CNTN4: variants seen among roughly 807,000 people sequenced by gnomAD.
The protein encoded by CNTN4 is contactin 4.
In CNTN4, 77 loss-of-function variants were observed where a neutral mutation model predicts 122.5. The observed-to-expected ratio is 0.63, with a 90% CI of 0.52 to 0.76. The LOEUF (loss-of-function observed/expected upper bound fraction) is 0.76, where lower values mean the gene tolerates loss of function less well. CNTN4 is among the 30% of genes least tolerant of loss of function. The probability of loss-of-function intolerance (pLI) is 0.00; values close to 1 mark genes in which losing one functional copy is unlikely to be tolerated. For synonymous variants in CNTN4, 512 were observed against 447.0 expected (o/e 1.15, Z -1.83); for missense variants, 1,256 against 1,259.1 (o/e 1.00, Z 0.04).
At chr3:2,388,915 T>A (rs1378946376) in intron 3 of CNTN4, among the ~76,000 whole-genome samples, 5 of 146,102 alleles carry the variant, frequency 3.4e-5, no homozygotes, top group South Asian at 2.2e-4. Context: ...CCCAGCACTT[T>A]GGGAGGCCGG....
intron 12 of CNTN4, among the ~76,000 whole-genome samples, chr3:2,909,847 A>G (rs1457883424): frequency 6.6e-6 from 1 of 152,156 alleles, no homozygotes; most frequent in Non-Finnish European, 1.5e-5. Context: ...ATTTCTAACA[A>G]GTGATGTTGA....
At chr3:2,773,059 A>G (rs2091171340) in intron 6 of CNTN4, among the ~76,000 whole-genome samples, 1 of 152,192 alleles carries the variant, frequency 6.6e-6, no homozygotes, top group African/African-American at 2.4e-5. Context: ...GAGCGGTTTC[A>G]TGGGAGATCT....
chr3:2,676,720 G>A (rs1034295022), intron 4 of CNTN4, among the ~76,000 whole-genome samples: 20 of 152,214 alleles, frequency 1.3e-4, no homozygotes, highest in Non-Finnish European at 2.9e-5. Context: ...GAATTTGGAA[G>A]AAAATGTTTC....
chr3:2,185,056 G>T (rs1351860934), intron 2 of CNTN4, among the ~76,000 whole-genome samples: 1 of 152,168 alleles, frequency 6.6e-6, no homozygotes, highest in African/African-American at 2.4e-5. Flanking sequence ...CAACTGTTGT[G>T]TTATCTTCAG....
At chr3:2,754,789 G>A in intron 6 of CNTN4, among the ~76,000 whole-genome samples, 1 of 151,308 alleles carries the variant, frequency 6.6e-6, no homozygotes, top group East Asian at 1.9e-4. Flanking sequence ...AGAGAGTAAT[G>A]TAACACAATA....
intron 14 of CNTN4, among the ~76,000 whole-genome samples, chr3:3,004,263 T>TCAC (rs1449679910): frequency 6.6e-6 from 1 of 152,236 alleles, no homozygotes; most frequent in African/African-American, 2.4e-5. Flanking sequence ...TTCTTAGGGG[T>TCAC]CACCAGCTTT....
rs548156868 is a variant in CNTN4 at position 2,157,180 on chromosome 3, A to T, written c.-145+56541A>T. 1.2e-4 allele frequency among the ~76,000 whole-genome samples: 18 copies of T among 152,350 alleles called. 1 individual carries two copies. In the South Asian group the frequency reaches 3.7e-3, roughly 32 times the overall value. ...GGAAGAAGATATTTAAAAGTAAAATAAATTAAATAAGCACACATTAATATA... is the reference window on the plus strand; with the variant it reads ...GGAAGAAGATATTTAAAAGTAAAATTAATTAAATAAGCACACATTAATATA... On this transcript the variant is annotated intron_variant, in intron 2 of 24. Coordinates refer to ENST00000418658, the MANE Select transcript of CNTN4 (RefSeq NM_175607.3).
chr3:2,662,076 G>A (rs1440729510), intron 4 of CNTN4, among the ~76,000 whole-genome samples: 1 of 152,126 alleles, frequency 6.6e-6, no homozygotes, highest in Non-Finnish European at 1.5e-5. Context: ...CTGGGTTATA[G>A]AGATCAAAGA....
At chr3:2,640,091 G>A (rs1490048003) in intron 4 of CNTN4, among the ~76,000 whole-genome samples, 1 of 152,174 alleles carries the variant, frequency 6.6e-6, no homozygotes, top group African/African-American at 2.4e-5. Flanking sequence ...GATGTAGCTG[G>A]GGGCTAAAGG....
intron 2 of CNTN4, among the ~76,000 whole-genome samples, chr3:2,200,891 C>G (rs1037085003): frequency 3.9e-5 from 6 of 152,132 alleles, no homozygotes; most frequent in African/African-American, 1.4e-4. Flanking sequence ...ATTTTTTTGA[C>G]TCCACTACAG....
intron 4 of CNTN4, among the ~76,000 whole-genome samples, chr3:2,668,159 T>C (rs562730731): frequency 1.2e-4 from 19 of 152,302 alleles, no homozygotes; most frequent in African/African-American, 4.3e-4. Flanking sequence ...GGGGATGGCA[T>C]GGAATCTATA....
chr3:3,033,308 GTTCCAGCATACAGAT>G (rs1699333486), intron 16 of CNTN4, among the ~76,000 whole-genome samples: 1 of 152,214 alleles, frequency 6.6e-6, no homozygotes, highest in Non-Finnish European at 1.5e-5. Context: ...AAATTAATCA[GTTCCAGCATACAGAT>G]TTCCAGACAT....
At chr3:2,334,504 T>G (rs950018330) in intron 2 of CNTN4, among the ~76,000 whole-genome samples, 6 of 152,206 alleles carry the variant, frequency 3.9e-5, no homozygotes, top group Admixed American at 1.3e-4. Flanking sequence ...ATTTTGGCCC[T>G]GTCTTACAGA....
At chr3:2,717,753 T>C (rs2675288) in intron 4 of CNTN4, among the ~76,000 whole-genome samples, 145,862 of 152,232 alleles carry the variant, frequency 0.96, 69,922 homozygotes, top group Non-Finnish European at 0.97. Flanking sequence ...ACATTACCAC[T>C]AGCAACATTT....
chr3:2,726,770 A>G lies in CNTN4; in HGVS notation c.56-9445A>G, dbSNP rs148966744. Among the ~76,000 whole-genome samples, 110 of 152,270 alleles carry G rather than the reference A, an allele frequency of 7.2e-4. 1 individual carries two copies. Among genetic ancestry groups the G allele is most frequent in the African/African-American group, 2.5e-3 (104 of 41,566 alleles). ...TAATGGTGGATCCATGTCCTAATAC[A>G]TTTGCCAGGACCACAGCATGTGCAA... On this transcript the variant is annotated intron_variant, in intron 4 of 24. Coordinates refer to ENST00000418658, the MANE Select transcript of CNTN4 (RefSeq NM_175607.3).
chr3:2,677,613 G>C (rs1401718906), intron 4 of CNTN4, among the ~76,000 whole-genome samples: 1 of 151,938 alleles, frequency 6.6e-6, no homozygotes, highest in Non-Finnish European at 1.5e-5. Context: ...ATAAAGAGAG[G>C]TTGAACATTA....
At chr3:2,304,069 T>C (rs1315724822) in intron 2 of CNTN4, among the ~76,000 whole-genome samples, 2 of 152,354 alleles carry the variant, frequency 1.3e-5, no homozygotes, top group Non-Finnish European at 1.5e-5. Context: ...TGAAATTCAG[T>C]CCATCTATCT....
At chr3:2,443,317 A>G (rs922328438) in intron 3 of CNTN4, among the ~76,000 whole-genome samples, 1 of 152,174 alleles carries the variant, frequency 6.6e-6, no homozygotes, top group African/African-American at 2.4e-5. Context: ...AGCACTGAGT[A>G]GGAAATGACA....
intron 4 of CNTN4, among the ~76,000 whole-genome samples, chr3:2,651,951 C>T (rs1203393493): frequency 6.6e-6 from 1 of 151,868 alleles, no homozygotes; most frequent in Non-Finnish European, 1.5e-5. Context: ...AGGTGATCCA[C>T]CCGCCTTGGC....
Sources: gnomAD v4.1 joint callset for allele counts (sites outside exome capture counted in the v4.1 genomes callset) on GRCh38, gnomAD v4.1.1 for gene constraint, MANE v1.5 for transcripts, NCBI Gene and HGNC (gene_info 2026-07-23, HGNC 2026-07-21) for gene names.